PVT1: variants seen among roughly 807,000 people sequenced by gnomAD.
The protein encoded by PVT1 is Pvt1 oncogene.
At chr8:127,895,219 C>A (rs1815660348) in intron 3 of PVT1, among the ~76,000 whole-genome samples, 1 of 152,096 alleles carries the variant, frequency 6.6e-6, no homozygotes, top group African/African-American at 2.4e-5. Flanking sequence ...ACATGTAATC[C>A]CAGCACTTTG....
intron 4 of PVT1, among the ~76,000 whole-genome samples, chr8:128,043,244 G>A (rs577579144): frequency 6.6e-6 from 1 of 152,230 alleles, no homozygotes; most frequent in East Asian, 1.9e-4. Flanking sequence ...TTGGATGTAG[G>A]CAATAACTTC....
intron 3 of PVT1, among the ~76,000 whole-genome samples, chr8:127,935,727 G>A (rs1355362286): frequency 1.3e-5 from 2 of 151,578 alleles, no homozygotes; most frequent in Non-Finnish European, 2.9e-5. Context: ...AAATGGGACA[G>A]TATGTATCCC....
intron 2 of PVT1, among the ~76,000 whole-genome samples, chr8:127,840,775 G>A (rs1814964589): frequency 1.3e-5 from 2 of 152,262 alleles, no homozygotes; most frequent in Admixed American, 1.3e-4. Flanking sequence ...CAGGAAGCTG[G>A]TCCTGTCCAA....
chr8:127,837,255 C>T (rs1814919492), intron 2 of PVT1, among the ~76,000 whole-genome samples: 1 of 152,198 alleles, frequency 6.6e-6, no homozygotes, highest in Non-Finnish European at 1.5e-5. Context: ...ATGGGCTCGC[C>T]TTCCATCCAG....
chr8:127,920,468 A>G (rs10097881), intron 3 of PVT1, among the ~76,000 whole-genome samples: 4,359 of 152,340 alleles, frequency 0.029, 214 homozygotes, highest in African/African-American at 0.099. Flanking sequence ...TTGCATCTGT[A>G]AATGAGACTA....
intron 2 of PVT1, among the ~76,000 whole-genome samples, chr8:127,812,672 G>A (rs1334608680): frequency 1.3e-5 from 2 of 150,540 alleles, no homozygotes; most frequent in Non-Finnish European, 1.5e-5. Flanking sequence ...AGGGAGGGAA[G>A]GGAGGAAGGT....
At chr8:128,080,973 C>T (rs985791989) in intron 5 of PVT1, among the ~76,000 whole-genome samples, 2 of 152,132 alleles carry the variant, frequency 1.3e-5, no homozygotes, top group African/African-American at 4.8e-5. Flanking sequence ...AATTATCTTT[C>T]CTCGATTGCA....
intron 2 of PVT1, among the ~76,000 whole-genome samples, chr8:127,843,687 C>T (rs1004261541): frequency 1.3e-5 from 2 of 151,562 alleles, no homozygotes; most frequent in African/African-American, 4.8e-5. Context: ...CCTTGTGATC[C>T]ACCCTCTCCG....
chr8:128,075,011 C>G (rs1298793768), intron 5 of PVT1, among the ~76,000 whole-genome samples: 1 of 152,218 alleles, frequency 6.6e-6, no homozygotes, highest in East Asian at 1.9e-4. Context: ...TATATGTTTA[C>G]AAACTGCAAA....
chr8:128,088,319 C>T (rs1449443311), intron 5 of PVT1, among the ~76,000 whole-genome samples: 2 of 152,086 alleles, frequency 1.3e-5, no homozygotes, highest in African/African-American at 4.8e-5. Flanking sequence ...GGTCCCAGCT[C>T]GTGGCGCAGA....
chr8:128,044,374 T>C (rs1305528215), intron 4 of PVT1, among the ~76,000 whole-genome samples: 1 of 152,190 alleles, frequency 6.6e-6, no homozygotes, highest in Admixed American at 6.5e-5. Context: ...TATTAAGTGC[T>C]TTATTCCCTG....
At chr8:128,046,680 A>C (rs1015457282) in intron 4 of PVT1, among the ~76,000 whole-genome samples, 1 of 152,182 alleles carries the variant, frequency 6.6e-6, no homozygotes, top group Non-Finnish European at 1.5e-5. Flanking sequence ...CCACTGGCTG[A>C]ACATTCTTTC....
intron 2 of PVT1, among the ~76,000 whole-genome samples, chr8:127,885,188 G>A (rs1815509407): frequency 6.6e-6 from 1 of 152,102 alleles, no homozygotes; most frequent in East Asian, 1.9e-4. Flanking sequence ...AGGAGCCGAG[G>A]AGTGAGTGTG....
chr8:127,888,919 A>G (rs1815559676), intron 2 of PVT1, among the ~76,000 whole-genome samples: 1 of 152,172 alleles, frequency 6.6e-6, no homozygotes, highest in Non-Finnish European at 1.5e-5. Context: ...GTTTGTAAAC[A>G]TTTCTTTGGC....
intron 5 of PVT1, among the ~76,000 whole-genome samples, chr8:128,082,466 G>T (rs990268907): frequency 3.3e-5 from 5 of 152,184 alleles, no homozygotes; most frequent in African/African-American, 1.2e-4. Flanking sequence ...TTCCCATCAT[G>T]GGGTAGCAAC....
chr8:128,019,544 A>C (rs1459331553), intron 4 of PVT1, among the ~76,000 whole-genome samples: 2 of 152,254 alleles, frequency 1.3e-5, no homozygotes, highest in South Asian at 2.1e-4. Flanking sequence ...AATATTTAAC[A>C]ATCAGCTTTT....
rs370255037 is a variant in PVT1, at chr8:127,864,992, C to A, written n.373-25597C>A. 3.0e-4 allele frequency among the ~76,000 whole-genome samples: 45 copies of A among 152,356 alleles called. No homozygotes were observed. The East Asian group carries it at 5.2e-3, about 18-fold the overall frequency. On this transcript the variant is annotated intron_variant and non_coding_transcript_variant, in intron 2 of 10. Coordinates refer to ENST00000651587, the Ensembl canonical transcript of PVT1. Reference sequence around the variant, plus strand: ...TGGCTAAGAGGATCTAAGACCAGAACTAGTCTGAGTGCTTGGGATTCATAT... The same window carrying A: ...TGGCTAAGAGGATCTAAGACCAGAAATAGTCTGAGTGCTTGGGATTCATAT...
chr8:128,040,884 G>A (rs1485155383), intron 4 of PVT1, among the ~76,000 whole-genome samples: 1 of 146,448 alleles, frequency 6.8e-6, no homozygotes, highest in African/African-American at 2.5e-5. Context: ...ACGTGCATGT[G>A]TTTGTGTGTA....
chr8:127,883,398 G>GT (rs1256159053), intron 2 of PVT1, among the ~76,000 whole-genome samples: 1 of 152,062 alleles, frequency 6.6e-6, no homozygotes, highest in Non-Finnish European at 1.5e-5. Flanking sequence ...CCTGTTTTTC[G>GT]TTTTTCTTCC....
Sources: gnomAD v4.1 joint callset for allele counts (sites outside exome capture counted in the v4.1 genomes callset) on GRCh38, gnomAD v4.1.1 for gene constraint, MANE v1.5 for transcripts, NCBI Gene and HGNC (gene_info 2026-07-23, HGNC 2026-07-21) for gene names.